Variants in SLC4A4 observed in about 807,000 individuals in gnomAD.
SLC4A4 encodes the protein solute carrier family 4 member 4.
In SLC4A4, 27 loss-of-function variants were observed where a neutral mutation model predicts 111.5. The ratio of observed to expected loss-of-function variants is 0.24; its 90% CI spans 0.18 to 0.33. The LOEUF (loss-of-function observed/expected upper bound fraction) is 0.33, where lower values mean the gene tolerates loss of function less well. Ranked by LOEUF, SLC4A4 falls within the 10% of genes least tolerant of loss-of-function variation. The pLI is 1.00. For synonymous variants in SLC4A4, 443 were observed against 463.4 expected (o/e 0.96, Z 0.57); for missense variants, 909 against 1,315.5 (o/e 0.69, Z 4.78).
At chr4:71,376,156 T>TATATACAC (rs1553900734) in intron 6 of SLC4A4, among the ~76,000 whole-genome samples, 2 of 135,520 alleles carry the variant, frequency 1.5e-5, no homozygotes, top group African/African-American at 2.8e-5. Flanking sequence ...CCTGTATATA[T>TATATACAC]ACACACACAC....
At chr4:71,258,301 C>A (rs1403877725) in intron 3 of SLC4A4, among the ~76,000 whole-genome samples, 1 of 152,202 alleles carries the variant, frequency 6.6e-6, no homozygotes, top group African/African-American at 2.4e-5. Flanking sequence ...TTTTTCTGTT[C>A]CTGTATGTTC....
chr4:71,477,223 G>A (rs1469740991), intron 14 of SLC4A4, among the ~76,000 whole-genome samples: 1 of 151,678 alleles, frequency 6.6e-6, no homozygotes, highest in Non-Finnish European at 1.5e-5. Context: ...CCTATTCTTA[G>A]AGGTTACTAT....
intron 7 of SLC4A4, among the ~76,000 whole-genome samples, chr4:71,432,649 T>G (rs562737242): frequency 6.5e-4 from 99 of 152,202 alleles, no homozygotes; most frequent in Non-Finnish European, 1.2e-3. Context: ...TTCTTTTTCC[T>G]TTCTTGGTTT....
At chr4:71,072,111 A>G (rs1160303895) in intron 1 of SLC4A4, among the ~76,000 whole-genome samples, 2 of 152,148 alleles carry the variant, frequency 1.3e-5, no homozygotes, top group Non-Finnish European at 2.9e-5. Flanking sequence ...GAATTGATCA[A>G]TTTTTAATAG....
intron 7 of SLC4A4, among the ~76,000 whole-genome samples, chr4:71,433,894 T>C (rs1723870918): frequency 6.6e-6 from 1 of 152,108 alleles, no homozygotes; most frequent in Non-Finnish European, 1.5e-5. Flanking sequence ...TGAAGTAGTA[T>C]GCAGCCCTTA....
intron 12 of SLC4A4, among the ~76,000 whole-genome samples, chr4:71,462,931 G>T (rs1489095232): frequency 2.0e-5 from 3 of 152,082 alleles, no homozygotes; most frequent in African/African-American, 7.2e-5. Context: ...CCAGAGTCCG[G>T]TGCTCCACTA....
intron 21 of SLC4A4, among the ~76,000 whole-genome samples, chr4:71,556,640 G>T (rs980733248): frequency 1.3e-5 from 2 of 151,676 alleles, no homozygotes; most frequent in African/African-American, 4.8e-5. Flanking sequence ...TTTCTTTCTC[G>T]ATTCTCCCTT....
At chr4:71,554,770 T>C (rs1736324928) in intron 20 of SLC4A4, among the ~76,000 whole-genome samples, 1 of 151,844 alleles carries the variant, frequency 6.6e-6, no homozygotes, top group African/African-American at 2.4e-5. Flanking sequence ...CATCTATTAA[T>C]ACCTCTGTTT....
chr4:71,466,994 G>A (rs1251936723), intron 13 of SLC4A4, among the ~76,000 whole-genome samples: 1 of 148,432 alleles, frequency 6.7e-6, no homozygotes, highest in Admixed American at 6.8e-5. Context: ...GAGTATGTCT[G>A]CCTTTCCCCA....
Position 71,472,708 on chromosome 4 carries a change from T to C in SLC4A4, c.1641T>C (p.Asn547=). Residue 547 remains asparagine (N), a synonymous_variant, in exon 14 of 26, where the codon AAT becomes AAC. Transcript: ENST00000264485. ...RLLFNFSKDN[N]FDYLEFRLWI... ...TCTTTCTTTTTTCCAGGGACAATAA[T>C]TTTGACTATTTGGAGTTTCGCCTTT... is the stretch of plus-strand genomic sequence containing the variant. The C allele has an allele frequency of 6.2e-7, 1 of 1,612,688 alleles. No homozygotes were observed. The highest frequency in any genetic ancestry group is 8.5e-7 in the Non-Finnish European group (1 of 1,179,118).
intron 3 of SLC4A4, among the ~76,000 whole-genome samples, chr4:71,328,363 G>A (rs944303982): frequency 1.3e-5 from 2 of 152,084 alleles, no homozygotes; most frequent in African/African-American, 4.8e-5. Flanking sequence ...GGGATTGCTG[G>A]ATCTTATGGT....
At chr4:71,371,766 T>TA (rs1201370607) in intron 6 of SLC4A4, among the ~76,000 whole-genome samples, 13 of 151,876 alleles carry the variant, frequency 8.6e-5, no homozygotes, top group East Asian at 5.8e-4. Context: ...ACTATCTACA[T>TA]AAAAAAAAGC....
intron 4 of SLC4A4, among the ~76,000 whole-genome samples, chr4:71,341,918 G>A (rs1270138749): frequency 6.6e-6 from 1 of 151,912 alleles, no homozygotes; most frequent in Admixed American, 6.5e-5. Context: ...CAGAAAAAAA[G>A]TAATTCGGCT....
At chr4:71,246,495 A>G (rs1374875285) in intron 2 of SLC4A4, among the ~76,000 whole-genome samples, 1 of 152,202 alleles carries the variant, frequency 6.6e-6, no homozygotes, top group East Asian at 1.9e-4. Context: ...AAGAGCTTAC[A>G]GAGAGGTGAG....
intron 16 of SLC4A4, among the ~76,000 whole-genome samples, chr4:71,501,592 A>G (rs529720567): frequency 1.3e-5 from 2 of 149,494 alleles, no homozygotes; most frequent in East Asian, 2.0e-4. Flanking sequence ...TAGCCTAGAT[A>G]TTGGATTGTT....
intron 23 of SLC4A4, 132 bp downstream of exon 23, chr4:71,560,386 C>A: frequency 1.0e-6 from 1 of 984,928 alleles, no homozygotes; most frequent in Non-Finnish European, 1.5e-6. Context: ...GTGTATTACT[C>A]ATTTCACCTC....
chr4:71,379,227 C>G (rs1201684366), intron 6 of SLC4A4, among the ~76,000 whole-genome samples: 1 of 152,166 alleles, frequency 6.6e-6, no homozygotes, highest in Non-Finnish European at 1.5e-5. Context: ...TGTTCCCTAG[C>G]CTGGCTAATA....
At chr4:71,208,913 A>AC (rs1717956501) in intron 1 of SLC4A4, among the ~76,000 whole-genome samples, 1 of 151,978 alleles carries the variant, frequency 6.6e-6, no homozygotes, top group Admixed American at 6.5e-5. Context: ...AATATTTCTC[A>AC]GTTTTTTTTT....
At chr4:71,134,619 AGAGTGTATTGCTCC>A (rs1393670006) in intron 2 of SLC4A4, among the ~76,000 whole-genome samples, 1 of 152,208 alleles carries the variant, frequency 6.6e-6, no homozygotes, top group Non-Finnish European at 1.5e-5. Context: ...ACTGAATACT[AGAGTGTATTGCTCC>A]GAATAGAAGC....
Sources: allele counts gnomAD v4.1 joint callset (sites outside exome capture counted in the v4.1 genomes callset), GRCh38; gene constraint gnomAD v4.1.1; transcripts MANE v1.5; gene names NCBI Gene and HGNC (gene_info 2026-07-23, HGNC 2026-07-21).